ZNF827: variants seen among roughly 807,000 people sequenced by gnomAD.
ZNF827 encodes zinc finger protein 827.
A neutral mutation model predicts 102.4 loss-of-function variants in ZNF827; 13 were observed. The ratio of observed to expected loss-of-function variants is 0.13; its 90% CI spans 0.08 to 0.20. The LOEUF is 0.20. Ranked by LOEUF, ZNF827 falls within the 10% of genes least tolerant of loss-of-function variation. ZNF827 has a pLI of 1.00. For synonymous variants in ZNF827, 523 were observed against 536.2 expected (o/e 0.98, Z 0.34); for missense variants, 1,103 against 1,344.4 (o/e 0.82, Z 2.81).
chr4:145,870,173 A>C, intron 5 of ZNF827, 72 bp downstream of exon 5: 1 of 1,453,084 alleles, frequency 6.9e-7, no homozygotes, highest in Admixed American at 1.8e-5. Context: ...ATTATAACCC[A>C]TGCAGGAAGC....
At chr4:145,864,813 G>A (rs1748038047) in intron 5 of ZNF827, among the ~76,000 whole-genome samples, 1 of 152,080 alleles carries the variant, frequency 6.6e-6, no homozygotes, top group Non-Finnish European at 1.5e-5. Context: ...GTACAAATTG[G>A]CCTCACATCG....
At chr4:145,917,709 AAAAAAAAAAAAAAAAAAG>A (rs1231027664) in intron 1 of ZNF827, among the ~76,000 whole-genome samples, 1,498 of 146,878 alleles carry the variant, frequency 0.01, 59 homozygotes, top group African/African-American at 0.032. Context: ...TCAAAAAAAA[AAAAAAAAAAAAAAAAAAG>A]AAAAGAAAAA....
At chr4:145,872,451 A>G (rs1748780182) in intron 4 of ZNF827, among the ~76,000 whole-genome samples, 1 of 152,232 alleles carries the variant, frequency 6.6e-6, no homozygotes, top group Non-Finnish European at 1.5e-5. Flanking sequence ...TGACACCTTG[A>G]TATTAGGCTT....
chr4:145,793,290 T>TATATATTATATATAAGTATATATAA (rs1739975352), intron 8 of ZNF827, among the ~76,000 whole-genome samples: 2 of 2,474 alleles, frequency 8.1e-4, no homozygotes, highest in African/African-American at 3.0e-3. Flanking sequence ...AATATATATA[T>TATATATTATATATAAGTATATATAA]GATATATATC....
rs1252497305 is a variant in ZNF827 at position 145,886,109 on chromosome 4, G to T, written c.1316C>A (p.Pro439His). 1.2e-6 allele frequency: 2 copies of T among 1,612,676 alleles called. No homozygotes were observed. The highest frequency in any genetic ancestry group is 1.7e-6 in the Non-Finnish European group (2 of 1,179,224). ...RGETFQCQLC[P>H]FTSSRHFSLK... ...GCTGAAGTGGCGTGAGGAAGTAAAA[G>T]GGCACAGCTGGCACTGAAAGGTCTC... The change falls in exon 4 of 15, where the codon CCT (proline) becomes CAT (histidine). Residue 439 changes from proline to histidine, a missense_variant. Pro to His is a moderately conservative substitution (Grantham distance 77). Around this residue, in one of 5 missense-constraint regions of ZNF827, gnomAD observed 157 missense variants for 211.7 expected, o/e 0.74. Transcript: ENST00000508784.
At chr4:145,923,419 A>G (rs1010968758) in intron 1 of ZNF827, among the ~76,000 whole-genome samples, 12 of 151,674 alleles carry the variant, frequency 7.9e-5, no homozygotes, top group Admixed American at 7.2e-4. Context: ...AGCCTGGCCA[A>G]CGTGGTGAGA....
chr4:145,844,247 C>T (rs1024936284), intron 7 of ZNF827, among the ~76,000 whole-genome samples: 18 of 151,900 alleles, frequency 1.2e-4, no homozygotes, highest in Admixed American at 4.6e-4. Context: ...TTCCATCCCC[C>T]GAAAGCCATT....
intron 8 of ZNF827, among the ~76,000 whole-genome samples, chr4:145,805,019 C>T (rs1741268479): frequency 6.6e-6 from 1 of 152,080 alleles, no homozygotes; most frequent in Admixed American, 6.5e-5. Flanking sequence ...ACACAACAGC[C>T]TCTAGGCATG....
intron 5 of ZNF827, among the ~76,000 whole-genome samples, chr4:145,865,689 A>G (rs1241037718): frequency 6.6e-6 from 1 of 152,148 alleles, no homozygotes; most frequent in Non-Finnish European, 1.5e-5. Context: ...ACACATTTCC[A>G]CTCAATACTG....
intron 1 of ZNF827, among the ~76,000 whole-genome samples, chr4:145,935,870 T>A (rs537544007): frequency 1.1e-4 from 16 of 152,192 alleles, no homozygotes; most frequent in African/African-American, 3.9e-4. Context: ...ACGCTGCAGC[T>A]GCCCGACTGC....
intron 8 of ZNF827, among the ~76,000 whole-genome samples, chr4:145,821,124 T>G (rs1221424640): frequency 6.6e-6 from 1 of 152,234 alleles, no homozygotes; most frequent in Non-Finnish European, 1.5e-5. Context: ...CACTTCATAG[T>G]CAAGTACATT....
At chr4:145,840,816 G>A (rs1005924036) in intron 7 of ZNF827, among the ~76,000 whole-genome samples, 1 of 152,160 alleles carries the variant, frequency 6.6e-6, no homozygotes, top group Non-Finnish European at 1.5e-5. Flanking sequence ...ACACGCATCC[G>A]AACCATCACA....
chr4:145,856,246 C>G (rs991545530), intron 5 of ZNF827, among the ~76,000 whole-genome samples: 1 of 152,148 alleles, frequency 6.6e-6, no homozygotes, highest in Non-Finnish European at 1.5e-5. Context: ...TCTGTCCTCT[C>G]GGTCCCCCAA....
Position 145,849,363 on chromosome 4 carries a change from A to C in ZNF827, c.2180T>G (p.Ile727Ser), listed in dbSNP as rs1319779279. 1 of 1,614,132 alleles carries C rather than the reference A, an allele frequency of 6.2e-7. No individual in the cohort carries two copies. Among genetic ancestry groups the C allele is most frequent in the Admixed American group, 1.7e-5 (1 of 60,018 alleles). Residue 727 changes from isoleucine to serine, a missense_variant, in exon 6 of 15, where the codon ATC (isoleucine) becomes AGC (serine). Physicochemically the swap from Ile to Ser is moderately radical, Grantham distance 142. Coordinates refer to ENST00000508784, the MANE Select transcript of ZNF827 (RefSeq NM_001306215.2). ...GAGCTCGGAAGCCATTTTCACAGAGATATCCTGACTGAAGAGGTTTCTCTC... is the reference window on the plus strand; with the variant it reads ...GAGCTCGGAAGCCATTTTCACAGAGCTATCCTGACTGAAGAGGTTTCTCTC... ...PPERNLFSQD[I>S]SVKMASELLF...
At chr4:145,895,666 C>CA (rs1750921426) in intron 2 of ZNF827, among the ~76,000 whole-genome samples, 1 of 152,188 alleles carries the variant, frequency 6.6e-6, no homozygotes, top group Non-Finnish European at 1.5e-5. Flanking sequence ...ATAACATCTA[C>CA]ATTTTTATTT....
At chr4:145,816,432 CGTGTACTTTAGTGT>C (rs1742602943) in intron 8 of ZNF827, among the ~76,000 whole-genome samples, 2 of 152,156 alleles carry the variant, frequency 1.3e-5, no homozygotes, top group African/African-American at 4.8e-5. Context: ...AAAAAGTATG[CGTGTACTTTAGTGT>C]GTGAACCTAT....
At chr4:145,938,317 G>A (rs1171917498) in intron 1 of ZNF827, 48 bp downstream of exon 1, 1 of 1,610,810 alleles carries the variant, frequency 6.2e-7, no homozygotes, top group South Asian at 1.1e-5. Context: ...AAGAGGAGAG[G>A]GAGGGCGAGA....
chr4:145,886,889 T>C (rs1750163170), intron 3 of ZNF827, among the ~76,000 whole-genome samples: 1 of 152,246 alleles, frequency 6.6e-6, no homozygotes. Flanking sequence ...AGTTCCAGTC[T>C]TGCATGCACA....
rs760771523 is a variant in ZNF827 at position 145,761,624 on chromosome 4, G to A, written c.*18-26C>T. 39 of 1,217,828 alleles carry A rather than the reference G, an allele frequency of 3.2e-5. No individual in the cohort carries two copies. The South Asian group carries it at 5.2e-4, about 16-fold the overall frequency. 75.4% of individuals were successfully genotyped at this position (1,217,828 alleles called of 1,614,324 possible). A position where few individuals can be genotyped will look rare whatever the true frequency, so the allele number is the denominator to read the frequency against. On this transcript the variant is annotated intron_variant, in intron 14 of 14. Transcript: ENST00000508784. The surrounding 1 kb of genome is among the most constrained non-coding windows in gnomAD (Gnocchi z 6.8). ...CTGCCGGGGAAAGCAACGCAAGGGA[G>A]GTTCAGCCGGGAAGGTTCGGAGGCA... is the stretch of plus-strand genomic sequence containing the variant.
Sources: gnomAD v4.1 joint callset for allele counts (sites outside exome capture counted in the v4.1 genomes callset) on GRCh38, gnomAD v4.1.1 for gene constraint, gnomAD v4.1.1 regional missense constraint, Gnocchi (gnomAD v3.1) non-coding constraint, MANE v1.5 for transcripts, NCBI Gene and HGNC (gene_info 2026-07-23, HGNC 2026-07-21) for gene names.